The following TONSL variants were observed in gnomAD, a reference collection of about 807,000 sequenced individuals.
TONSL encodes the protein tonsoku-like protein.
In TONSL, 112 loss-of-function variants were observed where a neutral mutation model predicts 147.1. The ratio of observed to expected loss-of-function variants is 0.76; its 90% confidence interval spans 0.65 to 0.89. The LOEUF (loss-of-function observed/expected upper bound fraction) is 0.89, where lower values mean the gene tolerates loss of function less well. Ranked by LOEUF, TONSL falls within the 40% of genes least tolerant of loss-of-function variation. The pLI is 0.00. For synonymous variants in TONSL, 868 were observed against 801.5 expected (o/e 1.08, Z -1.40); for missense variants, 1,883 against 1,864.6 (o/e 1.01, Z -0.18).
chr8:144,444,246 T>C lies in TONSL; in HGVS notation c.55A>G (p.Arg19Gly). The C allele has an allele frequency of 6.9e-7, 1 of 1,455,392 alleles. No individual in the cohort carries two copies. Among genetic ancestry groups the C allele is most frequent in the Non-Finnish European group, 9.0e-7 (1 of 1,106,202 alleles). The allele number at this position is 1,455,392 out of a possible 1,614,324, so 90.2% of individuals were successfully genotyped here. The change falls in exon 2 of 26, where the codon AGG becomes GGG. Residue 19 changes from arginine (R) to glycine (G), a missense_variant. Arg to Gly is a moderately radical substitution (Grantham distance 125, BLOSUM62 -2). Coordinates refer to ENST00000409379, the MANE Select transcript of TONSL (RefSeq NM_013432.5). ...GCCTCTTCGCGCCGCTGCCCGGCCC[T>C]CTGCGCCTTGGCTTTCGCCTTGCTC... ...QLSKAKAKAQ[R>G]AGQRREEAAL...
chr8:144,438,171 G>C, intron 13 of TONSL: 1 of 458,334 alleles, frequency 2.2e-6, no homozygotes, highest in Non-Finnish European at 4.0e-6. Flanking sequence ...AAAGTGCTGG[G>C]ATTACAGGCA....
chr8:144,444,112 C>T (rs1823820516), intron 2 of TONSL, 68 bp downstream of exon 2: 2 of 1,306,872 alleles, frequency 1.5e-6, no homozygotes, highest in African/African-American at 1.5e-5. Flanking sequence ...CCGTCGCCCC[C>T]CGGCCCCCGA....
intron 16 of TONSL, 24 bp downstream of exon 16, chr8:144,436,534 A>G: frequency 1.2e-6 from 2 of 1,604,606 alleles, no homozygotes; most frequent in Admixed American, 1.7e-5. Flanking sequence ...CAGCAACCCC[A>G]GGGACAAGGG....
chr8:144,442,170 C>G lies in TONSL; in HGVS notation c.751-19G>C. On this transcript the variant is annotated intron_variant, in intron 6 of 25. Transcript: ENST00000409379. ...GGAGGACCTGGAGAGCAAAGGACAG[C>G]AAAGGTTTTGCAGAATCCCCAAGGC... The G allele has an allele frequency of 6.2e-7, 1 of 1,605,012 alleles. No individual in the cohort carries two copies. Among genetic ancestry groups the G allele is most frequent in the Non-Finnish European group, 8.5e-7 (1 of 1,175,078 alleles).
In TONSL at chr8:144,434,129, C is replaced by G; in HGVS notation, c.3236G>C (p.Gly1079Ala). The G allele has an allele frequency of 1.2e-6, 2 of 1,612,074 alleles. No homozygotes were observed. Among genetic ancestry groups the G allele is most frequent in the Non-Finnish European group, 1.7e-6 (2 of 1,179,504 alleles). Residue 1079 changes from glycine (G) to alanine (A), a missense_variant, in exon 21 of 26, where the codon GGG becomes GCG. By Grantham distance (60) the Gly-to-Ala change is moderately conservative. Transcript: ENST00000409379. ...CACACACTTGTCCCCCAGCCGGTTCCCTGCCAGGCGCAGCTCCCGGAGTGC... is the reference window on the plus strand; with the variant it reads ...CACACACTTGTCCCCCAGCCGGTTCGCTGCCAGGCGCAGCTCCCGGAGTGC... ...HTALRELRLA[G>A]NRLGDKCVAE... is the part of the protein sequence containing the mutation.
chr8:144,436,937 G>A lies in TONSL; in HGVS notation c.1727-17C>T, dbSNP rs761834147. ...GGACAATTTCTGCAGACCAGGAGAC[G>A]TAAGCCCAGCTCCCGATGCCCCGCC... On this transcript the variant is annotated splice_polypyrimidine_tract_variant and intron_variant, in intron 14 of 25. Coordinates refer to ENST00000409379, the MANE Select transcript of TONSL (RefSeq NM_013432.5). 23 of 1,609,924 alleles carry A rather than the reference G, an allele frequency of 1.4e-5. No individual in the cohort carries two copies. Among genetic ancestry groups the A allele is most frequent in the East Asian group, 1.3e-4 (6 of 44,862 alleles).
intron 24 of TONSL, 83 bp downstream of exon 24, chr8:144,430,995 C>G: frequency 6.7e-7 from 1 of 1,485,460 alleles, no homozygotes; most frequent in Non-Finnish European, 9.4e-7. Flanking sequence ...GAGCTGGTAC[C>G]ATTTCTGTGG....
intron 4 of TONSL, 113 bp from the exon 5 acceptor site, chr8:144,442,919 G>A (rs1303943437): frequency 1.4e-6 from 2 of 1,418,546 alleles, no homozygotes; most frequent in Non-Finnish European, 1.9e-6. Flanking sequence ...CTCCTCCCGA[G>A]GTGGGTGCAA....
rs1417572254 is a variant in TONSL, at chr8:144,429,040, G to C, written c.*103C>G. 16 of 1,296,452 alleles carry C rather than the reference G, an allele frequency of 1.2e-5. No individual in the cohort carries two copies. Among genetic ancestry groups the C allele is most frequent in the African/African-American group, 3.1e-5 (2 of 64,474 alleles). The allele number at this position is 1,296,452 out of a possible 1,614,324, so 80.3% of individuals were successfully genotyped here. A position where few individuals can be genotyped will look rare whatever the true frequency, so the allele number is the denominator to read the frequency against. On this transcript the variant is annotated 3_prime_UTR_variant, in exon 26 of 26. Transcript: ENST00000409379. ...TCCTGACCTCGTGATCCGCCCGCCTGGGCCTCCCAAAGTGTTGGGATTACA... is the reference window on the plus strand; with the variant it reads ...TCCTGACCTCGTGATCCGCCCGCCTCGGCCTCCCAAAGTGTTGGGATTACA...
In TONSL at chr8:144,436,571, A is replaced by G. The variant is rs1823469067; in HGVS notation, c.2001T>C (p.Ala667=). ...CGCCCTGCTTGCCTTGGCCCGAGGC[A>G]GCCGCCTGGAGCAGCATCTCCATGG... is the stretch of plus-strand genomic sequence containing the variant. ...ARAMEMLLQA[A]ASGQDPHSSQ... The change falls in exon 16 of 26, where the codon GCT becomes GCC. Residue 667 remains alanine, a synonymous_variant. Coordinates refer to ENST00000409379, the MANE Select transcript of TONSL (RefSeq NM_013432.5). 6.2e-7 allele frequency: 1 copy of G among 1,610,502 alleles called. No individual in the cohort carries two copies. Among genetic ancestry groups the G allele is most frequent in the Admixed American group, 1.7e-5 (1 of 59,980 alleles).
At chr8:144,432,566 C>G in intron 22 of TONSL, 106 bp from the exon 23 acceptor site, 2 of 1,186,074 alleles carry the variant, frequency 1.7e-6, no homozygotes, top group Middle Eastern at 3.1e-4. Flanking sequence ...ACCACTACCG[C>G]AGTGCTCGCA....
chr8:144,440,501 CG>C, intron 9 of TONSL, 25 bp from the exon 10 acceptor site: 1 of 1,572,296 alleles, frequency 6.4e-7, no homozygotes, highest in Non-Finnish European at 8.6e-7. Flanking sequence ...AGGACAGGGT[CG>C]GGGGCTGCCG....
chr8:144,441,195 T>G (rs2242266), intron 7 of TONSL, 84 bp from the exon 8 acceptor site: 63 of 1,540,156 alleles, frequency 4.1e-5, no homozygotes, highest in Middle Eastern at 4.6e-4. Context: ...AGCCCTGTGG[T>G]GGCCCCCCCA....
At chr8:144,435,334 T>G (rs1047431220) in intron 18 of TONSL, 140 bp downstream of exon 18, 7 of 1,228,494 alleles carry the variant, frequency 5.7e-6, no homozygotes, top group Non-Finnish European at 6.7e-6. Flanking sequence ...CCAGCCCCTC[T>G]GCTATTCCTG....
At position 144,431,095 on chromosome 8, in the gene TONSL, A is replaced by G. The variant is rs781833286; in HGVS notation, c.3792T>C (p.Ala1264=). ...TLSANHLGDK[A]VRDLCRCLSL... ...GGCGTTACCTGCACAGGTCTCTAAC[A>G]GCCTTGTCCCCCAGGTGGTTTGCAG... Residue 1264 remains alanine (A), a synonymous_variant, in exon 24 of 26, where the codon GCT becomes GCC. Coordinates refer to ENST00000409379, the MANE Select transcript of TONSL (RefSeq NM_013432.5). 1.2e-6 allele frequency: 2 copies of G among 1,614,174 alleles called. No individual in the cohort carries two copies. The highest frequency in any genetic ancestry group is 2.2e-5 in the South Asian group (2 of 91,086).
chr8:144,438,243 C>T (rs930289799), intron 13 of TONSL: 297 of 590,518 alleles, frequency 5.0e-4, no homozygotes, highest in Non-Finnish European at 4.7e-4. Context: ...CACTGTGTTG[C>T]CCAGGCTGGA....
In TONSL at chr8:144,432,360, G is replaced by A. The variant is rs371818390; in HGVS notation, c.3660C>T (p.His1220=). 3 of 1,613,264 alleles carry A rather than the reference G, an allele frequency of 1.9e-6. No individual in the cohort carries two copies. In the African/African-American group the frequency reaches 4.0e-5, roughly 22 times the overall value. Residue 1220 remains histidine, a synonymous_variant, in exon 23 of 26, where the codon CAC becomes CAT. Transcript: ENST00000409379. ...CGGCTGCCACGGAGCTGAGCTCTAAGTGCAGGAGGGTGCCGGCGGGCAGGC... is the reference window on the plus strand; with the variant it reads ...CGGCTGCCACGGAGCTGAGCTCTAAATGCAGGAGGGTGCCGGCGGGCAGGC... The part of the protein sequence containing the change: ...LQSLPAGTLL[H]LELSSVAAGK...
Position 144,436,238 on chromosome 8 carries a change from C to T in TONSL, c.2195G>A (p.Arg732Lys). ...GCTGCTGGCTGGCCCATGCCTGCTC[C>T]TCCGAGGCCTGGCCATGGCTGGTGC... ...QAAPAMARPR[R>K]SRHGPASSSS... The change falls in exon 17 of 26, where the codon AGG (arginine) becomes AAG (lysine). Residue 732 changes from arginine (R) to lysine (K), a missense_variant. Coordinates refer to ENST00000409379, the MANE Select transcript of TONSL (RefSeq NM_013432.5). The T allele has an allele frequency of 6.5e-7, 1 of 1,545,822 alleles. No homozygotes were observed. Among genetic ancestry groups the T allele is most frequent in the Non-Finnish European group, 8.7e-7 (1 of 1,149,622 alleles).
At chr8:144,433,298 G>A (rs1470167749) in intron 22 of TONSL, 3 of 300,944 alleles carry the variant, frequency 1.0e-5, no homozygotes, top group East Asian at 8.2e-5. Flanking sequence ...GGATGGTCTC[G>A]ATATCCTGAC....
Sources: allele counts gnomAD v4.1 joint callset, GRCh38; gene constraint gnomAD v4.1.1; transcripts MANE v1.5; gene names NCBI Gene and HGNC (gene_info 2026-07-23, HGNC 2026-07-21).